Variants in HSBP1L1 observed in about 807,000 individuals in gnomAD.
HSBP1L1 encodes the protein heat shock factor binding protein 1 like 1.
HSBP1L1 carries 8 observed loss-of-function variants against 9.7 expected under a neutral mutation model. The observed-to-expected ratio is 0.82, with a 90% confidence interval of 0.48 to 1.48. The LOEUF (loss-of-function observed/expected upper bound fraction) is 1.48. Ranked by LOEUF, HSBP1L1 falls within the 40% of genes most tolerant of loss-of-function variation. HSBP1L1 has a pLI of 0.00. For missense variants in HSBP1L1, 106 were observed against 95.8 expected (o/e 1.11, Z -0.44); for synonymous variants, 39 against 34.4 (o/e 1.13, Z -0.46).
chr18:79,967,747 C>G (rs762292104), intron 2 of HSBP1L1: 1 of 186,464 alleles, frequency 5.4e-6, no homozygotes, highest in African/African-American at 2.4e-5. Context: ...GCACTCCAGC[C>G]TGGGGGAAGA....
At chr18:79,969,269 AG>A in intron 3 of HSBP1L1, among the ~76,000 whole-genome samples, 1 of 18,006 alleles carries the variant, frequency 5.6e-5, no homozygotes, top group Non-Finnish European at 1.2e-4. Flanking sequence ...AGAGGGAGGG[AG>A]GGAGGGAGGG....
At chr18:79,966,775 T>A in intron 2 of HSBP1L1, 97 bp downstream of exon 2, 1 of 877,138 alleles carries the variant, frequency 1.1e-6, no homozygotes, top group Non-Finnish European at 1.8e-6. Flanking sequence ...AGGTAATAGT[T>A]TACTTAGGAT....
chr18:79,964,664 G>C lies in HSBP1L1; in HGVS notation c.-72G>C. On this transcript the variant is annotated 5_prime_UTR_variant, in exon 1 of 4. Coordinates refer to ENST00000451882, the MANE Select transcript of HSBP1L1 (RefSeq NM_001136180.2). Reference sequence around the variant, plus strand: ...GCCCATACGGGAATCGCGGAGCTTAGCTGTCGCCACCTCGCGCCGGGTCCG... The same window carrying C: ...GCCCATACGGGAATCGCGGAGCTTACCTGTCGCCACCTCGCGCCGGGTCCG... 1.1e-6 allele frequency: 1 copy of C among 880,770 alleles called. No homozygotes were observed. The highest frequency in any genetic ancestry group is 1.6e-6 in the Non-Finnish European group (1 of 611,410). The allele number at this position is 880,770 out of a possible 1,614,324, so 54.6% of individuals were successfully genotyped here.
Position 79,968,098 on chromosome 18 carries a change from T to C in HSBP1L1, c.128T>C (p.Met43Thr), listed in dbSNP as rs2051266553. The C allele has an allele frequency of 6.5e-7, 1 of 1,548,256 alleles. No homozygotes were observed. Among genetic ancestry groups the C allele is most frequent in the Non-Finnish European group, 8.7e-7 (1 of 1,144,066 alleles). ...CGCCTTAACACTGTACTGGAAGAAA[T>C]GGGAAATCGCATTGAGGACTTACAG... ...TATLNLRMEE[M>T]GNRIEDLQKN... Residue 43 changes from methionine to threonine, a missense_variant, in exon 3 of 4, where the codon ATG (methionine) becomes ACG (threonine). Coordinates refer to ENST00000451882, the MANE Select transcript of HSBP1L1 (RefSeq NM_001136180.2).
intron 3 of HSBP1L1, 145 bp from the exon 4 acceptor site, chr18:79,970,295 C>T (rs1158357508): frequency 4.7e-6 from 3 of 640,788 alleles, no homozygotes; most frequent in Admixed American, 2.2e-5. Context: ...ATGAGATAAA[C>T]TTGAAATACA....
intron 3 of HSBP1L1, 48 bp downstream of exon 3, chr18:79,968,231 G>GAAA (rs2051267537): frequency 1.8e-6 from 2 of 1,104,894 alleles, no homozygotes; most frequent in African/African-American, 1.5e-5. Context: ...TGTTTTGACT[G>GAAA]CTTTCATCTT....
intron 3 of HSBP1L1, among the ~76,000 whole-genome samples, chr18:79,969,393 A>AAGAAAGAAAG (rs1555716379): frequency 1.4e-5 from 1 of 70,844 alleles, no homozygotes; most frequent in Non-Finnish European, 3.1e-5. Context: ...GAAAGAAAGA[A>AAGAAAGAAAG]AAAAAAACGA....
intron 2 of HSBP1L1, 103 bp downstream of exon 2, chr18:79,966,781 AG>A (rs912241756): frequency 2.4e-6 from 2 of 836,532 alleles, no homozygotes; most frequent in Non-Finnish European, 3.9e-6. Flanking sequence ...TAGTTTACTT[AG>A]GATTTCCCAG....
At chr18:79,966,291 C>T (rs1292880326) in intron 1 of HSBP1L1, among the ~76,000 whole-genome samples, 1 of 152,024 alleles carries the variant, frequency 6.6e-6, no homozygotes, top group African/African-American at 2.4e-5. Context: ...TGCCTGTGAT[C>T]CCAGCACTTT....
intron 1 of HSBP1L1, 87 bp from the exon 2 acceptor site, chr18:79,966,525 A>G (rs2051257951): frequency 1.0e-6 from 1 of 979,038 alleles, no homozygotes; most frequent in Non-Finnish European, 1.5e-6. Flanking sequence ...CCTGGGCAAC[A>G]AAACAAGACT....
Position 79,964,646 on chromosome 18 carries a change from C to T in HSBP1L1, c.-90C>T. The T allele has an allele frequency of 4.2e-6, 3 of 716,584 alleles. No individual in the cohort carries two copies. The highest frequency in any genetic ancestry group is 2.3e-5 in the South Asian group (1 of 44,268). 44.4% of individuals were successfully genotyped at this position (716,584 alleles called of 1,614,324 possible). On this transcript the variant is annotated 5_prime_UTR_variant, in exon 1 of 4. It adds an upstream start codon to the 5' untranslated region. Coordinates refer to ENST00000451882, the MANE Select transcript of HSBP1L1 (RefSeq NM_001136180.2). ...GCCCGAGGCCTCCCGGCGGCCCATA[C>T]GGGAATCGCGGAGCTTAGCTGTCGC...
intron 1 of HSBP1L1, among the ~76,000 whole-genome samples, chr18:79,965,298 G>C (rs2051251412): frequency 6.6e-6 from 1 of 152,216 alleles, no homozygotes; most frequent in African/African-American, 2.4e-5. Context: ...CTATGAGGAA[G>C]AGACCTGGAA....
At chr18:79,967,758 G>A (rs981875340) in intron 2 of HSBP1L1, 2 of 201,976 alleles carry the variant, frequency 9.9e-6, no homozygotes, top group Non-Finnish European at 2.0e-5. Flanking sequence ...TGGGGGAAGA[G>A]CAAGACCCTA....
intron 3 of HSBP1L1, among the ~76,000 whole-genome samples, chr18:79,969,449 C>A (rs55695451): frequency 2.8e-5 from 4 of 145,324 alleles, no homozygotes; most frequent in African/African-American, 1.0e-4. Flanking sequence ...CCTGTGCCCA[C>A]GCGGATGCTT....
chr18:79,968,287 T>A (rs2051267839), intron 3 of HSBP1L1, 104 bp downstream of exon 3: 1 of 683,804 alleles, frequency 1.5e-6, no homozygotes. Flanking sequence ...TTGCTGCCTC[T>A]GTGCTGCATG....
intron 1 of HSBP1L1, 85 bp from the exon 2 acceptor site, chr18:79,966,527 A>G: frequency 1.0e-6 from 1 of 998,308 alleles, no homozygotes; most frequent in East Asian, 2.7e-5. Context: ...TGGGCAACAA[A>G]ACAAGACTTC....
At chr18:79,969,349 AAG>A (rs1464696885) in intron 3 of HSBP1L1, among the ~76,000 whole-genome samples, 14 of 42,090 alleles carry the variant, frequency 3.3e-4, no homozygotes, top group East Asian at 1.7e-3. Context: ...GAAAGAAAGA[AAG>A]AAAGAAAGAA....
intron 3 of HSBP1L1, among the ~76,000 whole-genome samples, chr18:79,969,513 C>T (rs1033801026): frequency 2.0e-5 from 3 of 152,158 alleles, no homozygotes; most frequent in Non-Finnish European, 4.4e-5. Flanking sequence ...CGTGAATTCA[C>T]CCTGCATTTT....
In HSBP1L1 at chr18:79,970,587, C is replaced by A. The variant is rs1222017767; in HGVS notation, c.*136C>A. The A allele has an allele frequency of 5.1e-5, 26 of 511,316 alleles. No individual in the cohort carries two copies. In the East Asian group the frequency reaches 6.1e-4, roughly 12 times the overall value. The allele number at this position is 511,316 out of a possible 1,614,324, so 31.7% of individuals were successfully genotyped here. On this transcript the variant is annotated 3_prime_UTR_variant, in exon 4 of 4. Coordinates refer to ENST00000451882, the MANE Select transcript of HSBP1L1 (RefSeq NM_001136180.2). ...GCAAGGGGCTCGCCTGCTCTCCCCT[C>A]CGTGCCTGCACCAGAGAAGGAGGCC...
Sources: allele counts gnomAD v4.1 joint callset (sites outside exome capture counted in the v4.1 genomes callset), GRCh38; gene constraint gnomAD v4.1.1; transcripts MANE v1.5; gene names NCBI Gene and HGNC (gene_info 2026-07-23, HGNC 2026-07-21).